The following GPC5 variants were observed in gnomAD, a reference collection of about 807,000 sequenced individuals.
GPC5 encodes glypican 5.
A neutral mutation model predicts 53.9 loss-of-function variants in GPC5; 47 were observed. The observed-to-expected ratio is 0.87, with a 90% CI of 0.69 to 1.11. The LOEUF is 1.11. Among genes scored for constraint, GPC5 ranks in the 50% most tolerant of loss-of-function variants. The pLI is 0.00. For missense variants in GPC5, 748 were observed against 713.1 expected (o/e 1.05, Z -0.56); for synonymous variants, 286 against 263.3 (o/e 1.09, Z -0.84).
intron 2 of GPC5, among the ~76,000 whole-genome samples, chr13:91,680,925 A>G (rs2035493654): frequency 6.6e-6 from 1 of 151,958 alleles, no homozygotes; most frequent in African/African-American, 2.4e-5. Context: ...TTTTTACAAA[A>G]CCAGTAATCT....
At chr13:91,926,477 A>G (rs2039769564) in intron 6 of GPC5, among the ~76,000 whole-genome samples, 3 of 152,006 alleles carry the variant, frequency 2.0e-5, no homozygotes. Flanking sequence ...AGGCTTGACT[A>G]GCATTGGCTT....
At chr13:91,750,988 T>C (rs2037164195) in intron 4 of GPC5, among the ~76,000 whole-genome samples, 1 of 152,118 alleles carries the variant, frequency 6.6e-6, no homozygotes, top group African/African-American at 2.4e-5. Flanking sequence ...CAGTTCACTA[T>C]GCCTACTAGT....
chr13:91,440,242 T>C (rs1880321041), intron 1 of GPC5, among the ~76,000 whole-genome samples: 1 of 152,202 alleles, frequency 6.6e-6, no homozygotes, highest in Non-Finnish European at 1.5e-5. Flanking sequence ...TTTTTGCTAT[T>C]ATCCCACAGG....
At chr13:91,988,708 C>G (rs1487421431) in intron 6 of GPC5, among the ~76,000 whole-genome samples, 4 of 152,112 alleles carry the variant, frequency 2.6e-5, no homozygotes, top group African/African-American at 7.2e-5. Flanking sequence ...GGAAATAAAC[C>G]TGGACCCATA....
intron 5 of GPC5, among the ~76,000 whole-genome samples, chr13:91,886,713 A>G (rs543829969): frequency 6.6e-6 from 1 of 152,218 alleles, no homozygotes; most frequent in Non-Finnish European, 1.5e-5. Context: ...TCTGAAATCC[A>G]ATAGAGCAGT....
chr13:92,146,813 A>T (rs965264217), intron 7 of GPC5, among the ~76,000 whole-genome samples: 1 of 152,050 alleles, frequency 6.6e-6, no homozygotes. Flanking sequence ...CTCCAATTTC[A>T]TCTAGGTTGC....
At chr13:92,377,018 TAAAA>T (rs112698533) in intron 7 of GPC5, among the ~76,000 whole-genome samples, 1 of 126,180 alleles carries the variant, frequency 7.9e-6, no homozygotes, top group African/African-American at 2.8e-5. Flanking sequence ...CCATCTCAAA[TAAAA>T]AAAAAAAAGA....
At chr13:92,052,349 A>G (rs935413089) in intron 6 of GPC5, among the ~76,000 whole-genome samples, 7 of 152,258 alleles carry the variant, frequency 4.6e-5, no homozygotes, top group South Asian at 4.1e-4. Flanking sequence ...CAGCTCTTAA[A>G]GGTGGCACAG....
intron 6 of GPC5, among the ~76,000 whole-genome samples, chr13:91,923,023 A>G (rs541593016): frequency 6.6e-6 from 1 of 152,256 alleles, no homozygotes; most frequent in East Asian, 1.9e-4. Flanking sequence ...CAGATTTTCT[A>G]TTCTTGTTAT....
intron 5 of GPC5, among the ~76,000 whole-genome samples, chr13:91,907,486 T>G: frequency 1.1e-5 from 1 of 87,852 alleles, no homozygotes; most frequent in Non-Finnish European, 2.2e-5. Context: ...TAGGCTACTC[T>G]CTCTCTCTCT....
At chr13:91,655,422 G>A (rs1484113488) in intron 2 of GPC5, among the ~76,000 whole-genome samples, 3 of 151,930 alleles carry the variant, frequency 2.0e-5, no homozygotes. Context: ...TATGTGTAAT[G>A]TTATTCATAT....
chr13:92,099,856 T>A (rs2041451858), intron 6 of GPC5, among the ~76,000 whole-genome samples: 1 of 152,150 alleles, frequency 6.6e-6, no homozygotes, highest in South Asian at 2.1e-4. Context: ...GTGATTAAGA[T>A]CCCAATTCAG....
At chr13:91,571,906 GTA>G (rs368901777) in intron 2 of GPC5, among the ~76,000 whole-genome samples, 3,766 of 79,970 alleles carry the variant, frequency 0.047, 502 homozygotes, top group Middle Eastern at 0.06. Context: ...TACACATATT[GTA>G]TATATACACA....
intron 5 of GPC5, among the ~76,000 whole-genome samples, chr13:91,826,261 A>G (rs753472935): frequency 1.3e-5 from 2 of 152,110 alleles, no homozygotes; most frequent in Non-Finnish European, 2.9e-5. Flanking sequence ...TCAAGCACTT[A>G]AAGGTAAATA....
chr13:92,269,838 C>T (rs1282015244), intron 7 of GPC5, among the ~76,000 whole-genome samples: 1 of 152,152 alleles, frequency 6.6e-6, no homozygotes, highest in Non-Finnish European at 1.5e-5. Flanking sequence ...TGTTTTCTTG[C>T]TTTATAGAAG....
At chr13:92,856,481 G>C (rs1879003539) in intron 7 of GPC5, among the ~76,000 whole-genome samples, 1 of 151,852 alleles carries the variant, frequency 6.6e-6, no homozygotes, top group African/African-American at 2.4e-5. Context: ...AATATTGAAA[G>C]TGCCACCCAG....
intron 7 of GPC5, among the ~76,000 whole-genome samples, chr13:92,196,965 G>T (rs2042260932): frequency 6.6e-6 from 1 of 152,296 alleles, no homozygotes; most frequent in East Asian, 1.9e-4. Context: ...TACAGGAAAT[G>T]TTAAGATACC....
chr13:91,873,887 G>T (rs1189646538), intron 5 of GPC5, among the ~76,000 whole-genome samples: 2 of 152,034 alleles, frequency 1.3e-5, no homozygotes, highest in Non-Finnish European at 2.9e-5. Flanking sequence ...TCAACATGTT[G>T]CCCAGGCTGG....
At chr13:92,438,965 T>C (rs1467574596) in intron 7 of GPC5, among the ~76,000 whole-genome samples, 1 of 152,128 alleles carries the variant, frequency 6.6e-6, no homozygotes, top group Non-Finnish European at 1.5e-5. Context: ...CACAGCCAAG[T>C]ATAGATGTTT....
Sources: allele counts gnomAD v4.1 joint callset (sites outside exome capture counted in the v4.1 genomes callset), GRCh38; gene constraint gnomAD v4.1.1; transcripts MANE v1.5; gene names NCBI Gene and HGNC (gene_info 2026-07-23, HGNC 2026-07-21).